LRFN5: variants seen among roughly 807,000 people sequenced by gnomAD.
LRFN5 encodes leucine rich repeat and fibronectin type III domain containing 5, also known as leucine-rich repeat and fibronectin type-III domain-containing protein 5.
LRFN5 carries 24 observed loss-of-function variants against 45.6 expected under a neutral mutation model. That is an observed-to-expected ratio of 0.53 (90% confidence interval 0.38 to 0.74). LRFN5 has a LOEUF of 0.74. LRFN5 is among the 30% of genes least tolerant of loss of function. The pLI is 0.00. For missense variants in LRFN5, 776 were observed against 861.5 expected (o/e 0.90, Z 1.24); for synonymous variants, 340 against 313.8 (o/e 1.08, Z -0.88).
chr14:41,703,749 C>T (rs556713157), intron 1 of LRFN5, among the ~76,000 whole-genome samples: 1 of 152,112 alleles, frequency 6.6e-6, no homozygotes, highest in East Asian at 1.9e-4. Context: ...AGCACATTTG[C>T]CTTCAAAGAT....
At chr14:41,847,907 C>T (rs2139068927) in intron 2 of LRFN5, among the ~76,000 whole-genome samples, 1 of 152,194 alleles carries the variant, frequency 6.6e-6, no homozygotes. Flanking sequence ...AACACTTTCT[C>T]AATGACCACA....
intron 1 of LRFN5, among the ~76,000 whole-genome samples, chr14:41,761,978 G>C (rs1207872650): frequency 1.3e-5 from 2 of 151,520 alleles, no homozygotes; most frequent in Non-Finnish European, 2.9e-5. Context: ...AATACATTTT[G>C]GTTTTCACTG....
At chr14:41,685,233 T>C (rs1289875362) in intron 1 of LRFN5, among the ~76,000 whole-genome samples, 2 of 152,288 alleles carry the variant, frequency 1.3e-5, no homozygotes, top group East Asian at 1.9e-4. Context: ...GAGAACAGTA[T>C]GGAGGTTCCC....
chr14:41,867,911 G>C (rs1889894364), intron 2 of LRFN5, among the ~76,000 whole-genome samples: 1 of 151,900 alleles, frequency 6.6e-6, no homozygotes, highest in South Asian at 2.1e-4. Context: ...ACTTTTGTAG[G>C]GGAGAGATCT....
At chr14:41,856,669 A>ATTTTTTTTTTTTTTTTTTTT (rs1385323571) in intron 2 of LRFN5, among the ~76,000 whole-genome samples, 1 of 10,044 alleles carries the variant, frequency 1.0e-4, no homozygotes, top group Non-Finnish European at 2.6e-4. Flanking sequence ...AATTATTATT[A>ATTTTTTTTTTTTTTTTTTTT]TTATTATTTT....
chr14:41,898,020 CT>C (rs1302245294), intron 4 of LRFN5, among the ~76,000 whole-genome samples: 3 of 151,946 alleles, frequency 2.0e-5, no homozygotes, highest in African/African-American at 4.8e-5. Flanking sequence ...ATTTTGTATT[CT>C]TTTTTTCATC....
At chr14:41,734,330 A>G (rs985481751) in intron 1 of LRFN5, among the ~76,000 whole-genome samples, 36 of 99,434 alleles carry the variant, frequency 3.6e-4, no homozygotes, top group Non-Finnish European at 7.2e-4. Context: ...ATATATATAT[A>G]TATATATATA....
At chr14:41,748,900 T>TTA (rs979598240) in intron 1 of LRFN5, among the ~76,000 whole-genome samples, 89 of 150,438 alleles carry the variant, frequency 5.9e-4, no homozygotes, top group East Asian at 2.3e-3. Context: ...ACAGGATATT[T>TTA]TATATATATA....
At chr14:41,848,829 T>C (rs530236449) in intron 2 of LRFN5, among the ~76,000 whole-genome samples, 1 of 152,184 alleles carries the variant, frequency 6.6e-6, no homozygotes, top group East Asian at 1.9e-4. Context: ...TTCTTGTGCC[T>C]GTATTGTGAA....
intron 2 of LRFN5, among the ~76,000 whole-genome samples, chr14:41,790,170 A>G (rs1398680870): frequency 6.6e-6 from 1 of 151,960 alleles, no homozygotes; most frequent in African/African-American, 2.4e-5. Context: ...GTTTCGAGAG[A>G]CACTTTTTCT....
intron 1 of LRFN5, among the ~76,000 whole-genome samples, chr14:41,706,635 C>T (rs1883079520): frequency 6.6e-6 from 1 of 151,900 alleles, no homozygotes; most frequent in Admixed American, 6.6e-5. Context: ...AAATTTATAC[C>T]AGTCTATGTG....
At chr14:41,742,723 T>C (rs973853467) in intron 1 of LRFN5, 2 of 153,474 alleles carry the variant, frequency 1.3e-5, no homozygotes, top group African/African-American at 2.4e-5. Context: ...GCGCACTACA[T>C]AGGGGTGTTC....
intron 2 of LRFN5, among the ~76,000 whole-genome samples, chr14:41,770,873 GC>G (rs1480309165): frequency 6.6e-6 from 1 of 152,044 alleles, no homozygotes; most frequent in Admixed American, 6.5e-5. Flanking sequence ...CTTTCCCTCA[GC>G]ATTGCCCTGG....
At chr14:41,751,569 T>C (rs1284419431) in intron 1 of LRFN5, among the ~76,000 whole-genome samples, 2 of 152,042 alleles carry the variant, frequency 1.3e-5, no homozygotes, top group African/African-American at 4.8e-5. Context: ...ATACATACAA[T>C]GTATCTGTTT....
chr14:41,659,939 G>C (rs974881595), intron 1 of LRFN5, among the ~76,000 whole-genome samples: 1 of 150,234 alleles, frequency 6.7e-6, no homozygotes, highest in Non-Finnish European at 1.5e-5. Flanking sequence ...GTAGGTTCTG[G>C]ATATTAGTCC....
intron 2 of LRFN5, among the ~76,000 whole-genome samples, chr14:41,778,441 T>C (rs1339481210): frequency 2.6e-5 from 4 of 151,782 alleles, no homozygotes; most frequent in African/African-American, 9.7e-5. Flanking sequence ...TAAAATTTCT[T>C]GGTTTTCTTT....
At chr14:41,684,265 G>T (rs1424101497) in intron 1 of LRFN5, among the ~76,000 whole-genome samples, 1 of 152,084 alleles carries the variant, frequency 6.6e-6, no homozygotes, top group African/African-American at 2.4e-5. Context: ...CCTATCTCTT[G>T]CTGTATTATT....
At chr14:41,623,305 C>T (rs1438980519) in intron 1 of LRFN5, among the ~76,000 whole-genome samples, 2 of 152,112 alleles carry the variant, frequency 1.3e-5, no homozygotes, top group African/African-American at 4.8e-5. Context: ...CCTTGTGAAG[C>T]GGCTGCTTTG....
intron 2 of LRFN5, among the ~76,000 whole-genome samples, chr14:41,809,468 T>G (rs1887666479): frequency 6.6e-6 from 1 of 151,948 alleles, no homozygotes; most frequent in African/African-American, 2.4e-5. Context: ...ATCATTACAT[T>G]TCTCCAAGTG....
Sources: allele counts gnomAD v4.1 joint callset (sites outside exome capture counted in the v4.1 genomes callset), GRCh38; gene constraint gnomAD v4.1.1; transcripts MANE v1.5; gene names NCBI Gene and HGNC (gene_info 2026-07-23, HGNC 2026-07-21).